Variants in BABAM2 observed in about 807,000 individuals in gnomAD.
BABAM2 encodes BRISC and BRCA1 A complex member 2.
Under a neutral mutation model 54.7 loss-of-function variants are expected in BABAM2, and 31 were observed. That is an observed-to-expected ratio of 0.57 (90% CI 0.43 to 0.77). BABAM2 has a LOEUF of 0.77. Ranked by LOEUF, BABAM2 falls within the 30% of genes least tolerant of loss-of-function variation. The probability of loss-of-function intolerance (pLI) is 0.00; values close to 1 mark genes in which losing one functional copy is unlikely to be tolerated. For missense variants in BABAM2, 364 were observed against 455.8 expected (o/e 0.80, Z 1.83); for synonymous variants, 167 against 162.9 (o/e 1.03, Z -0.19).
chr2:28,257,919 G>A (rs1427723423), intron 10 of BABAM2, among the ~76,000 whole-genome samples: 1 of 152,088 alleles, frequency 6.6e-6, no homozygotes, highest in Non-Finnish European at 1.5e-5. Context: ...GCTCACGCCT[G>A]CAATCCCAGC....
chr2:28,238,154 A>AC (rs1192688799), intron 8 of BABAM2, among the ~76,000 whole-genome samples: 5 of 152,326 alleles, frequency 3.3e-5, no homozygotes, highest in African/African-American at 1.2e-4. Flanking sequence ...CCAGCCAGTC[A>AC]GCTGGTCTTA....
chr2:28,192,286 G>A (rs752039657), intron 7 of BABAM2, among the ~76,000 whole-genome samples: 18 of 151,926 alleles, frequency 1.2e-4, no homozygotes, highest in African/African-American at 4.1e-4. Context: ...TGCCTGCCTC[G>A]GCCTCCCAAA....
rs192599976 is a variant in BABAM2 at position 27,962,085 on chromosome 2, C to T, written c.206-25908C>T. Among the ~76,000 whole-genome samples the T allele has an allele frequency of 2.7e-3, 408 of 151,868 alleles. 2 individuals carry two copies. The highest frequency in any genetic ancestry group is 0.014 in the Middle Eastern group (4 of 294). ...TTAAACAACAGTTTTGAACTACTTT[C>T]TAAAATCATTTGGAAATTTTTGTTT... is the stretch of plus-strand genomic sequence containing the variant. On this transcript the variant is annotated intron_variant, in intron 3 of 11. Coordinates refer to ENST00000379624, the MANE Select transcript of BABAM2 (RefSeq NM_199191.3).
In BABAM2 at chr2:28,229,257, C is replaced by T. The variant is rs1287131270; in HGVS notation, c.681-7945C>T. On this transcript the variant is annotated intron_variant, in intron 7 of 11. Transcript: ENST00000379624. ...ATTTAAGTGAGAGAAACCTGGAGTT[C>T]GATGCCTCTTTGTCATTTACCACCT... is the stretch of plus-strand genomic sequence containing the variant. 5.9e-5 allele frequency among the ~76,000 whole-genome samples: 9 copies of T among 152,212 alleles called. No homozygotes were observed. The South Asian group carries it at 8.3e-4, about 14-fold the overall frequency.
intron 3 of BABAM2, among the ~76,000 whole-genome samples, chr2:27,946,183 A>C (rs554555480): frequency 2.0e-5 from 3 of 152,296 alleles, no homozygotes; most frequent in African/African-American, 7.2e-5. Context: ...AATCTAAGGA[A>C]GTTCCCATCT....
chr2:28,263,174 A>G (rs1281725487), intron 10 of BABAM2, among the ~76,000 whole-genome samples: 1 of 150,280 alleles, frequency 6.7e-6, no homozygotes, highest in Non-Finnish European at 1.5e-5. Context: ...GGAGAGGAGG[A>G]GAGGGGAGGG....
chr2:28,107,065 A>G (rs762322810), intron 6 of BABAM2, among the ~76,000 whole-genome samples: 8 of 152,302 alleles, frequency 5.3e-5, no homozygotes, highest in Middle Eastern at 3.4e-3. Context: ...GTAACATAAT[A>G]TATAGGTTAC....
At chr2:28,145,720 C>A (rs1671436722) in intron 7 of BABAM2, among the ~76,000 whole-genome samples, 1 of 152,214 alleles carries the variant, frequency 6.6e-6, no homozygotes, top group African/African-American at 2.4e-5. Flanking sequence ...ACACCCTTTG[C>A]AGTTACTCCC....
At chr2:28,163,089 T>G (rs1461394491) in intron 7 of BABAM2, among the ~76,000 whole-genome samples, 2 of 152,176 alleles carry the variant, frequency 1.3e-5, no homozygotes, top group Non-Finnish European at 2.9e-5. Context: ...GGCATATCTG[T>G]GTGTAGACAG....
chr2:28,188,909 G>T (rs1676602958), intron 7 of BABAM2, among the ~76,000 whole-genome samples: 1 of 152,134 alleles, frequency 6.6e-6, no homozygotes. Flanking sequence ...ATTAAAAAAA[G>T]GATTTCTCTG....
chr2:28,251,973 C>G (rs1254739381), intron 10 of BABAM2, among the ~76,000 whole-genome samples: 1 of 152,056 alleles, frequency 6.6e-6, no homozygotes, highest in East Asian at 1.9e-4. Context: ...GGTAGATCAC[C>G]TGAGGTCAGG....
intron 6 of BABAM2, among the ~76,000 whole-genome samples, chr2:28,061,598 A>G (rs1244057196): frequency 6.6e-6 from 1 of 150,978 alleles, no homozygotes; most frequent in African/African-American, 2.4e-5. Context: ...AAAAAAAAAA[A>G]AAAAAGAGAA....
chr2:27,976,730 A>G (rs746553609), intron 3 of BABAM2, among the ~76,000 whole-genome samples: 51 of 152,116 alleles, frequency 3.4e-4, no homozygotes, highest in Non-Finnish European at 7.2e-4. Context: ...ATAGTTTATA[A>G]TTTTTATGTC....
At chr2:27,996,697 G>A (rs1673171319) in intron 4 of BABAM2, among the ~76,000 whole-genome samples, 1 of 152,204 alleles carries the variant, frequency 6.6e-6, no homozygotes, top group Non-Finnish European at 1.5e-5. Context: ...AGCCTCAGCA[G>A]CAGTTTTGTG....
At chr2:28,109,184 CTTTTTTTT>C (rs764380110) in intron 6 of BABAM2, among the ~76,000 whole-genome samples, 1 of 101,890 alleles carries the variant, frequency 9.8e-6, no homozygotes, top group African/African-American at 3.7e-5. Flanking sequence ...GACACATACT[CTTTTTTTT>C]TTTTTTTTTT....
chr2:27,997,801 A>G (rs990077476), intron 4 of BABAM2, among the ~76,000 whole-genome samples: 3 of 152,208 alleles, frequency 2.0e-5, no homozygotes, highest in Non-Finnish European at 4.4e-5. Context: ...TTGAATTTGT[A>G]AAACAGCTAT....
Position 28,230,716 on chromosome 2 carries a change from A to G in BABAM2, c.681-6486A>G, listed in dbSNP as rs1057503246. ...AGACAACAGAGCAAGACCCTGTCTC[A>G]GGAAAAAAAAAAAAAGAAGAAGAAA... On this transcript the variant is annotated intron_variant, in intron 7 of 11. Transcript: ENST00000379624. 1.4e-3 allele frequency among the ~76,000 whole-genome samples: 36 copies of G among 26,028 alleles called. 1 individual carries two copies. The East Asian group carries it at 0.082, about 59-fold the overall frequency. 17.1% of individuals were successfully genotyped at this position (26,028 alleles called of 152,430 possible).
intron 6 of BABAM2, among the ~76,000 whole-genome samples, chr2:28,057,781 G>C (rs1678547186): frequency 6.6e-6 from 1 of 152,040 alleles, no homozygotes. Flanking sequence ...ATTACACCTG[G>C]CTGGGAAAAA....
chr2:28,065,292 AC>A (rs1251712400), intron 6 of BABAM2, among the ~76,000 whole-genome samples: 1 of 152,188 alleles, frequency 6.6e-6, no homozygotes, highest in Non-Finnish European at 1.5e-5. Flanking sequence ...AAAAAAAGAT[AC>A]TAAGTTTACA....
Sources: gnomAD v4.1 joint callset for allele counts (sites outside exome capture counted in the v4.1 genomes callset) on GRCh38, gnomAD v4.1.1 for gene constraint, MANE v1.5 for transcripts, NCBI Gene and HGNC (gene_info 2026-07-23, HGNC 2026-07-21) for gene names.